The following FRMD3 variants were observed in gnomAD, a reference collection of about 807,000 sequenced individuals.
FRMD3 encodes the protein FERM domain-containing protein 3.
Under a neutral mutation model 70.2 loss-of-function variants are expected in FRMD3, and 33 were observed. That is an observed-to-expected ratio of 0.47 (90% CI 0.36 to 0.63). FRMD3 has a LOEUF of 0.63. FRMD3 is among the 20% of genes least tolerant of loss of function. The pLI is 0.00. For synonymous variants in FRMD3, 279 were observed against 255.9 expected (o/e 1.09, Z -0.86); for missense variants, 632 against 711.4 (o/e 0.89, Z 1.27).
At chr9:83,393,786 A>G (rs899514116) in intron 1 of FRMD3, among the ~76,000 whole-genome samples, 1 of 152,156 alleles carries the variant, frequency 6.6e-6, no homozygotes, top group African/African-American at 2.4e-5. Context: ...AGCTGTAAAT[A>G]CAGATGAAGC....
intron 1 of FRMD3, among the ~76,000 whole-genome samples, chr9:83,458,564 A>G (rs1192390192): frequency 6.6e-6 from 1 of 152,244 alleles, no homozygotes; most frequent in African/African-American, 2.4e-5. Context: ...AGCCGAAGAG[A>G]AAACCTCCAC....
At chr9:83,362,830 C>T (rs1824645037) in intron 3 of FRMD3, among the ~76,000 whole-genome samples, 1 of 120,376 alleles carries the variant, frequency 8.3e-6, no homozygotes, top group Admixed American at 8.1e-5. Flanking sequence ...CTCCTTCCTT[C>T]CCTCCCTCCT....
intron 1 of FRMD3, among the ~76,000 whole-genome samples, chr9:83,431,575 G>C (rs761504477): frequency 4.0e-5 from 6 of 149,908 alleles, no homozygotes; most frequent in African/African-American, 1.5e-4. Flanking sequence ...TAAGTTTAGC[G>C]TTTTTTTTTA....
intron 13 of FRMD3, among the ~76,000 whole-genome samples, chr9:83,285,695 T>C (rs1398562492): frequency 6.6e-5 from 10 of 152,326 alleles, no homozygotes. Flanking sequence ...TATACTCTAC[T>C]GATAAAACAC....
Position 83,247,982 on chromosome 9 carries a change from C to T in FRMD3, c.1730G>A (p.Cys577Tyr). The change falls in exon 14 of 14, where the codon TGT (cysteine) becomes TAT (tyrosine). Residue 577 changes from cysteine to tyrosine, a missense_variant. By Grantham distance (194) the Cys-to-Tyr change is radical. Coordinates refer to ENST00000304195, the MANE Select transcript of FRMD3 (RefSeq NM_174938.6). ...EFEQFHYEYY[C>Y]PLKEWVAGKV... The stretch of plus-strand genomic sequence containing the variant: ...CCCAGCCACCCACTCCTTGAGGGGA[C>T]AGTAGTATTCATAGTGAAACTGCTC... 6.2e-7 allele frequency: 1 copy of T among 1,614,154 alleles called. No individual in the cohort carries two copies. Among genetic ancestry groups the T allele is most frequent in the Non-Finnish European group, 8.5e-7 (1 of 1,180,030 alleles).
intron 10 of FRMD3, among the ~76,000 whole-genome samples, chr9:83,303,700 C>G (rs1318620005): frequency 2.6e-5 from 4 of 152,206 alleles, no homozygotes; most frequent in Admixed American, 1.3e-4. Context: ...AAAATAACAG[C>G]TTTGTCGAGA....
In FRMD3 at chr9:83,313,643, C is replaced by A. The variant is rs1431492788; in HGVS notation, c.684+17G>T. ...AAAACAACCATTATATGGTGACCTGCTGTGAGGGGCAGTTACCTTGCATGG... is the reference window on the plus strand; with the variant it reads ...AAAACAACCATTATATGGTGACCTGATGTGAGGGGCAGTTACCTTGCATGG... On this transcript the variant is annotated intron_variant, in intron 7 of 13. Coordinates refer to ENST00000304195, the MANE Select transcript of FRMD3 (RefSeq NM_174938.6). 6.3e-7 allele frequency: 1 copy of A among 1,595,504 alleles called. No individual in the cohort carries two copies. The highest frequency in any genetic ancestry group is 1.1e-5 in the South Asian group (1 of 90,660).
At chr9:83,549,383 C>T in the FRMD3 span, among the ~76,000 whole-genome samples, 122,928 of 152,094 alleles carry the variant, frequency 0.81, 50,066 homozygotes, top group Admixed American at 0.87. Flanking sequence ...ATTCCATGTC[C>T]TTGCTATTGT....
chr9:83,483,297 TCCTAAGG>T (rs1173187677), intron 1 of FRMD3, among the ~76,000 whole-genome samples: 2 of 152,180 alleles, frequency 1.3e-5, no homozygotes, highest in African/African-American at 2.4e-5. Context: ...ACTGTAAGTT[TCCTAAGG>T]CCTTCCCAAC....
At chr9:83,509,710 G>C (rs1829292106) in intron 1 of FRMD3, among the ~76,000 whole-genome samples, 1 of 152,082 alleles carries the variant, frequency 6.6e-6, no homozygotes, top group Non-Finnish European at 1.5e-5. Context: ...GGGATCTCTT[G>C]GCATTGCTTC....
At chr9:83,496,508 C>A (rs1828946303) in intron 1 of FRMD3, among the ~76,000 whole-genome samples, 2 of 152,192 alleles carry the variant, frequency 1.3e-5, no homozygotes, top group Admixed American at 1.3e-4. Flanking sequence ...AAAATAAACA[C>A]TCTTAGACCC....
chr9:83,417,010 G>A (rs1826477785), intron 1 of FRMD3, among the ~76,000 whole-genome samples: 2 of 151,936 alleles, frequency 1.3e-5, no homozygotes, highest in South Asian at 4.2e-4. Context: ...TTTCACCCAG[G>A]CCTCTCCAAT....
chr9:83,455,814 T>G (rs1827802524), intron 1 of FRMD3, among the ~76,000 whole-genome samples: 1 of 152,200 alleles, frequency 6.6e-6, no homozygotes, highest in Admixed American at 6.5e-5. Flanking sequence ...GGATATAAAT[T>G]TAAATATTGC....
At chr9:83,381,366 C>A (rs1446584243) in intron 2 of FRMD3, among the ~76,000 whole-genome samples, 2 of 152,148 alleles carry the variant, frequency 1.3e-5, no homozygotes, top group Non-Finnish European at 2.9e-5. Context: ...ACTGTCCTGG[C>A]TAACAGGGTG....
chr9:83,366,985 A>G (rs1353345263), intron 3 of FRMD3, among the ~76,000 whole-genome samples: 1 of 152,162 alleles, frequency 6.6e-6, no homozygotes, highest in Non-Finnish European at 1.5e-5. Context: ...GTGAGCCAAG[A>G]TCATGCCACT....
Position 83,538,018 on chromosome 9 carries a change from C to T in FRMD3, c.147+67G>A. 1 of 1,564,694 alleles carries T rather than the reference C, an allele frequency of 6.4e-7. No individual in the cohort carries two copies. Among genetic ancestry groups the T allele is most frequent in the Non-Finnish European group, 8.7e-7 (1 of 1,146,998 alleles). ...GAGTGGGTTCCTTGTTCTCGCATGC[C>T]CACCGCAAAGGCCCCCCGCCCTGCT... On this transcript the variant is annotated intron_variant, in intron 1 of 13. Transcript: ENST00000304195. The surrounding 1 kb of genome is among the most constrained non-coding windows in gnomAD (Gnocchi z 4.7).
chr9:83,277,621 A>G (rs1056712833), intron 13 of FRMD3, among the ~76,000 whole-genome samples: 9 of 152,196 alleles, frequency 5.9e-5, no homozygotes, highest in African/African-American at 2.2e-4. Context: ...TTGGCCTCCC[A>G]AAGTGCTAGG....
At chr9:83,302,662 G>C (rs1834971989) in intron 10 of FRMD3, among the ~76,000 whole-genome samples, 1 of 151,908 alleles carries the variant, frequency 6.6e-6, no homozygotes, top group Non-Finnish European at 1.5e-5. Flanking sequence ...TCACTATGAA[G>C]CTACCAAAGC....
the FRMD3 span, among the ~76,000 whole-genome samples, chr9:83,549,707 C>T: frequency 5.3e-5 from 8 of 152,144 alleles, no homozygotes; most frequent in Middle Eastern, 3.4e-3. Context: ...TCAGTGATAT[C>T]GAGCATTTTT....
Sources: allele counts gnomAD v4.1 joint callset (sites outside exome capture counted in the v4.1 genomes callset), GRCh38; gene constraint gnomAD v4.1.1; non-coding constraint Gnocchi (gnomAD v3.1); transcripts MANE v1.5; gene names NCBI Gene and HGNC (gene_info 2026-07-23, HGNC 2026-07-21).